SHMT1: variants seen among roughly 807,000 people sequenced by gnomAD.
SHMT1 encodes the protein serine hydroxymethyltransferase 1.
Under a neutral mutation model 49.0 loss-of-function variants are expected in SHMT1, and 45 were observed. The ratio of observed to expected loss-of-function variants is 0.92; its 90% CI spans 0.72 to 1.18. The LOEUF is 1.18. Among genes scored for constraint, SHMT1 ranks in the 50% most tolerant of loss-of-function variants. SHMT1 has a pLI of 0.00. For synonymous variants in SHMT1, 232 were observed against 246.6 expected, an observed-to-expected ratio of 0.94 and a Z score of 0.55; for missense variants, 541 against 612.4, an observed-to-expected ratio of 0.88 and a Z score of 1.23.
chr17:18,350,012 C>A (rs1444672432), intron 3 of SHMT1, among the ~76,000 whole-genome samples: 1 of 76,170 alleles, frequency 1.3e-5, no homozygotes, highest in Non-Finnish European at 3.0e-5. Context: ...AAGAGCAAAA[C>A]TCTGTCTCAA....
At chr17:18,328,984 G>A (rs1474138084) in intron 11 of SHMT1, 65 bp from the exon 12 acceptor site, 36 of 1,591,414 alleles carry the variant, frequency 2.3e-5, no homozygotes, top group Non-Finnish European at 3.0e-5. Flanking sequence ...ATGGCTGGGG[G>A]CCGAGGCACA....
At position 18,333,278 on chromosome 17, in the gene SHMT1, C is replaced by T. The variant is rs760422568; in HGVS notation, c.942G>A (p.Val314=). 1 of 1,613,392 alleles carries T rather than the reference C, an allele frequency of 6.2e-7. No homozygotes were observed. Among genetic ancestry groups the T allele is most frequent in the South Asian group, 1.1e-5 (1 of 91,062 alleles). The part of the protein sequence containing the change: ...PHNHAIAGVA[V]ALKQAMTLEF... ...CCAGAGTCATAGCTTGCTTCAGTGCCACAGCAACCCCTGGACAAGAAGAGA... is the reference window on the plus strand; with the variant it reads ...CCAGAGTCATAGCTTGCTTCAGTGCTACAGCAACCCCTGGACAAGAAGAGA... The change falls in exon 9 of 12, where the codon GTG becomes GTA. Residue 314 remains valine, a synonymous_variant. Transcript: ENST00000316694.
chr17:18,340,169 C>T lies in SHMT1; in HGVS notation c.688G>A (p.Ala230Thr). 1 of 1,614,226 alleles carries T rather than the reference C, an allele frequency of 6.2e-7. No homozygotes were observed. Among genetic ancestry groups the T allele is most frequent in the Non-Finnish European group, 8.5e-7 (1 of 1,180,058 alleles). The change falls in exon 7 of 12, where the codon GCT (alanine) becomes ACT (threonine). Residue 230 changes from alanine (A) to threonine (T), a missense_variant. By Grantham distance (58) the Ala-to-Thr change is moderately conservative. Coordinates refer to ENST00000316694, the MANE Select transcript of SHMT1 (RefSeq NM_004169.5). This position sits in a 1 kb window ranked among gnomAD's most constrained non-coding sequence, Gnocchi z 4.5. ...ENGAYLMADM[A>T]HISGLVAAGV... ...GCCGCCACCAGCCCGCTGATGTGAG[C>T]CATGTCCGCCATGAGATACGCCCCG...
At chr17:18,352,293 C>T (rs961039732) in intron 3 of SHMT1, among the ~76,000 whole-genome samples, 2 of 152,020 alleles carry the variant, frequency 1.3e-5, no homozygotes, top group Admixed American at 1.3e-4. Context: ...ACTACAGGCG[C>T]CCGCCACCTT....
Position 18,328,775 on chromosome 17 carries a change from G to A in SHMT1, c.1427C>T (p.Pro476Leu), listed in dbSNP as rs568356417. ...TTAGAAGTCAGGCAGGCCAGGCAGAGGGAAGAGAGAGGCGAAGCTCTCAAC... is the reference window on the plus strand; with the variant it reads ...TTAGAAGTCAGGCAGGCCAGGCAGAAGGAAGAGAGAGGCGAAGCTCTCAAC... ...EEVESFASLF[P>L]LPGLPDF The change falls in exon 12 of 12, where the codon CCT (proline) becomes CTT (leucine). Residue 476 changes from proline (P) to leucine (L), a missense_variant. By Grantham distance (98) the Pro-to-Leu change is moderately conservative. Coordinates refer to ENST00000316694, the MANE Select transcript of SHMT1 (RefSeq NM_004169.5). 5 of 1,591,186 alleles carry A rather than the reference G, an allele frequency of 3.1e-6. No homozygotes were observed. The highest frequency in any genetic ancestry group is 4.3e-6 in the Non-Finnish European group (5 of 1,168,130).
In SHMT1 at chr17:18,333,290, T is replaced by C; in HGVS notation, c.932-2A>G. On this transcript the variant is annotated splice_acceptor_variant, in intron 8 of 11. Transcript: ENST00000316694. LOFTEE classifies it high-confidence loss of function. ...CTTGCTTCAGTGCCACAGCAACCCC[T>C]GGACAAGAAGAGACAATGGGTCAGG... is the stretch of plus-strand genomic sequence containing the variant. 1 of 1,613,132 alleles carries C rather than the reference T, an allele frequency of 6.2e-7. No homozygotes were observed. The highest frequency in any genetic ancestry group is 8.5e-7 in the Non-Finnish European group (1 of 1,179,884).
chr17:18,329,213 C>T, intron 11 of SHMT1, 65 bp downstream of exon 11: 1 of 1,200,532 alleles, frequency 8.3e-7, no homozygotes. Context: ...GTCTCAGCTA[C>T]TCATCACAAT....
chr17:18,348,428 C>T lies in SHMT1; in HGVS notation c.255G>A (p.Gly85=). The part of the protein sequence containing the change: ...EGYPGQRYYG[G]TEFIDELETL... ...TCTCCAGTTCATCAATAAACTCAGT[C>T]CCGCCATAGTATCTGTGGGAGAAGA... Residue 85 remains glycine (G), a synonymous_variant, in exon 4 of 12, where the codon GGG becomes GGA. Coordinates refer to ENST00000316694, the MANE Select transcript of SHMT1 (RefSeq NM_004169.5). 6.2e-7 allele frequency: 1 copy of T among 1,612,410 alleles called. No individual in the cohort carries two copies. The highest frequency in any genetic ancestry group is 1.7e-4 in the Middle Eastern group (1 of 6,058).
intron 3 of SHMT1, 125 bp downstream of exon 3, chr17:18,353,547 G>T (rs1985928016): frequency 2.0e-6 from 2 of 998,164 alleles, no homozygotes; most frequent in Admixed American, 1.7e-5. Flanking sequence ...GAGCAGGCGT[G>T]GAACAGAAAT....
At chr17:18,354,275 C>T (rs78838233) in intron 2 of SHMT1, among the ~76,000 whole-genome samples, 32,500 of 152,072 alleles carry the variant, frequency 0.21, 3,700 homozygotes, top group East Asian at 0.3. Context: ...CAAAATTAGC[C>T]GGGCATGGTG....
At chr17:18,357,724 C>T (rs749873027) in intron 1 of SHMT1, among the ~76,000 whole-genome samples, 3 of 151,992 alleles carry the variant, frequency 2.0e-5, no homozygotes, top group Non-Finnish European at 4.4e-5. Context: ...AGGCTCAGGG[C>T]CAGGCATGGC....
chr17:18,328,441 C>T lies in SHMT1; in HGVS notation c.*309G>A, dbSNP rs1392642631. The T allele has an allele frequency of 5.0e-6, 2 of 403,380 alleles. No homozygotes were observed. The highest frequency in any genetic ancestry group is 2.3e-5 in the South Asian group (1 of 44,380). 25.0% of individuals were successfully genotyped at this position (403,380 alleles called of 1,614,324 possible). The stretch of plus-strand genomic sequence containing the variant: ...CAATCTTTCTAACAGCTTTGCCCTA[C>T]ACCACCATCTAAATGATTATGACCA... On this transcript the variant is annotated 3_prime_UTR_variant, in exon 12 of 12. Coordinates refer to ENST00000316694, the MANE Select transcript of SHMT1 (RefSeq NM_004169.5).
At chr17:18,330,099 A>AT (rs1259860630) in intron 10 of SHMT1, among the ~76,000 whole-genome samples, 1 of 151,156 alleles carries the variant, frequency 6.6e-6, no homozygotes, top group Non-Finnish European at 1.5e-5. Context: ...TCGGCCTCCC[A>AT]AAGTGCTGGG....
intron 9 of SHMT1, chr17:18,332,570 A>G (rs534160297): frequency 8.3e-5 from 15 of 180,000 alleles, no homozygotes; most frequent in African/African-American, 3.0e-4. Context: ...CTGCCTGCCA[A>G]AAAAATGCGT....
intron 10 of SHMT1, 27 bp downstream of exon 10, chr17:18,330,528 G>C (rs1567767333): frequency 2.7e-6 from 4 of 1,463,066 alleles, no homozygotes; most frequent in Non-Finnish European, 3.8e-6. Context: ...GGAGAGGAGT[G>C]AAGGAGAAGG....
chr17:18,340,284 T>A lies in SHMT1; in HGVS notation c.602-29A>T. On this transcript the variant is annotated intron_variant, in intron 6 of 11. Transcript: ENST00000316694. This position sits in a 1 kb window ranked among gnomAD's most constrained non-coding sequence, Gnocchi z 4.5. ...AGACAGGAAAGGTGACACAGCTGCA[T>A]CAGAGATGTCCACCGGCCAGCTGAG... is the stretch of plus-strand genomic sequence containing the variant. 2 of 1,610,098 alleles carry A rather than the reference T, an allele frequency of 1.2e-6. No homozygotes were observed. Among genetic ancestry groups the A allele is most frequent in the Non-Finnish European group, 1.7e-6 (2 of 1,176,876 alleles).
intron 4 of SHMT1, 104 bp from the exon 5 acceptor site, chr17:18,347,760 G>T: frequency 7.8e-7 from 1 of 1,281,242 alleles, no homozygotes; most frequent in Non-Finnish European, 1.1e-6. Flanking sequence ...GGCGAGAACA[G>T]GCCTTGTACC....
chr17:18,333,642 G>A (rs1201809831), intron 8 of SHMT1, among the ~76,000 whole-genome samples: 1 of 150,132 alleles, frequency 6.7e-6, no homozygotes, highest in Non-Finnish European at 1.5e-5. Flanking sequence ...ATTTTTGTTG[G>A]TATTTTTAGT....
At chr17:18,333,393 G>A (rs1983448781) in intron 8 of SHMT1, 105 bp from the exon 9 acceptor site, 2 of 1,102,866 alleles carry the variant, frequency 1.8e-6, no homozygotes, top group Non-Finnish European at 1.3e-6. Context: ...GCTTTTCAAT[G>A]TCACCCCTTG....
Sources: gnomAD v4.1 joint callset for allele counts (sites outside exome capture counted in the v4.1 genomes callset) on GRCh38, gnomAD v4.1.1 for gene constraint, Gnocchi (gnomAD v3.1) non-coding constraint, MANE v1.5 for transcripts, NCBI Gene and HGNC (gene_info 2026-07-23, HGNC 2026-07-21) for gene names.